The following SLC2A9 variants were observed in gnomAD, a reference collection of about 807,000 sequenced individuals.
SLC2A9 encodes the protein solute carrier family 2, facilitated glucose transporter member 9.
SLC2A9 carries 39 observed loss-of-function variants against 50.6 expected under a neutral mutation model. The ratio of observed to expected loss-of-function variants is 0.77; its 90% CI spans 0.60 to 1.01. The LOEUF is 1.01. Among genes scored for constraint, SLC2A9 ranks in the 50% least tolerant of loss-of-function variants. SLC2A9 has a pLI of 0.00. For missense variants in SLC2A9, 686 were observed against 677.6 expected, an observed-to-expected ratio of 1.01 and a Z score of -0.14; for synonymous variants, 324 against 276.9, an observed-to-expected ratio of 1.17 and a Z score of -1.69.
downstream of SLC2A9, among the ~76,000 whole-genome samples, chr4:9,823,776 G>A (rs1724728187): frequency 1.3e-5 from 2 of 152,184 alleles, no homozygotes; most frequent in Non-Finnish European, 2.9e-5. Flanking sequence ...TTGAGATGAT[G>A]CATTTGATTT....
chr4:10,002,855 AC>A (rs201700192), intron 2 of SLC2A9, among the ~76,000 whole-genome samples: 5 of 39,024 alleles, frequency 1.3e-4, no homozygotes, highest in Non-Finnish European at 2.8e-4. Flanking sequence ...TCCATCTAAA[AC>A]AAAAAAAAAG....
intron 6 of SLC2A9, among the ~76,000 whole-genome samples, chr4:9,928,782 T>C (rs942287870): frequency 6.6e-6 from 1 of 152,136 alleles, no homozygotes; most frequent in Non-Finnish European, 1.5e-5. Flanking sequence ...GATCTGCACA[T>C]TCAAAAAGAA....
At chr4:9,831,371 C>G (rs757501034) in intron 11 of SLC2A9, among the ~76,000 whole-genome samples, 2 of 152,092 alleles carry the variant, frequency 1.3e-5, no homozygotes, top group East Asian at 1.9e-4. Flanking sequence ...GGAGACCATG[C>G]GAGGACACAG....
At chr4:9,794,550 G>A (rs1720356828), downstream of SLC2A9, among the ~76,000 whole-genome samples, 2 of 152,132 alleles carry the variant, frequency 1.3e-5, no homozygotes, top group South Asian at 4.1e-4. Flanking sequence ...CCTCACTCAG[G>A]GTCACACAGC....
intron 2 of SLC2A9, among the ~76,000 whole-genome samples, chr4:9,999,831 G>C (rs538823452): frequency 6.1e-4 from 93 of 152,260 alleles, no homozygotes; most frequent in African/African-American, 2.1e-3. Context: ...AGGCACACTT[G>C]GGGGGCACTG....
Position 9,863,021 on chromosome 4 carries a change from C to T in SLC2A9, c.1291+24546G>A, listed in dbSNP as rs114750793. On this transcript the variant is annotated intron_variant, in intron 10 of 11. Transcript: ENST00000264784. ...AATGAATGTGCCCCGCCCAGGGAGGCCAACTGTTATCAGTGTACATGTCTT... is the reference window on the plus strand; with the variant it reads ...AATGAATGTGCCCCGCCCAGGGAGGTCAACTGTTATCAGTGTACATGTCTT... Among the ~76,000 whole-genome samples the T allele has an allele frequency of 4.7e-3, 721 of 152,142 alleles. 3 individuals carry two copies. The highest frequency in any genetic ancestry group is 0.017 in the Middle Eastern group (5 of 294).
chr4:10,004,754 G>A (rs1365213563), intron 2 of SLC2A9, among the ~76,000 whole-genome samples: 1 of 152,214 alleles, frequency 6.6e-6, no homozygotes, highest in African/African-American at 2.4e-5. Context: ...ACTGTGACCT[G>A]AGGCTTCAAG....
At chr4:10,029,594 A>ATTTTATTTTATTTTATT (rs1553917299) in intron 1 of SLC2A9, among the ~76,000 whole-genome samples, 45 of 129,826 alleles carry the variant, frequency 3.5e-4, no homozygotes, top group African/African-American at 9.5e-4. Flanking sequence ...TTTATTTTAT[A>ATTTTATTTTATTTTATT]TTATTTTATT....
intron 10 of SLC2A9, among the ~76,000 whole-genome samples, chr4:9,835,862 G>A (rs1334702357): frequency 2.0e-5 from 3 of 152,062 alleles, no homozygotes; most frequent in African/African-American, 7.2e-5. Context: ...AGAGGCCAGT[G>A]GATTACATGA....
rs538789281 is a variant in SLC2A9, at chr4:9,920,618, C to T, written c.815-46G>A. 6.2e-6 allele frequency: 10 copies of T among 1,609,764 alleles called. No individual in the cohort carries two copies. The East Asian group carries it at 2.0e-4, about 32-fold the overall frequency. ...GGACTTTCAGCAGGGATTAGAGTGT[C>T]CATCATGTCTAATGCTGGGCCCTGC... On this transcript the variant is annotated intron_variant, in intron 6 of 11. Coordinates refer to ENST00000264784, the MANE Select transcript of SLC2A9 (RefSeq NM_020041.3).
intron 3 of SLC2A9, chr4:9,782,587 C>T (rs1336988839): frequency 1.9e-6 from 3 of 1,613,852 alleles, no homozygotes; most frequent in Non-Finnish European, 2.5e-6. Context: ...ACCAGGCGGC[C>T]TCTTGGGGCG....
intron 10 of SLC2A9, among the ~76,000 whole-genome samples, chr4:9,851,661 G>A (rs1396062367): frequency 6.6e-6 from 1 of 152,088 alleles, no homozygotes; most frequent in Non-Finnish European, 1.5e-5. Context: ...AACCCCCAAG[G>A]AATCTAAGGA....
chr4:9,975,155 C>T (rs1578150241), intron 5 of SLC2A9, among the ~76,000 whole-genome samples: 4 of 152,150 alleles, frequency 2.6e-5, no homozygotes, highest in African/African-American at 7.2e-5. Context: ...AAGAATCCTA[C>T]GAGAAAACCT....
intron 10 of SLC2A9, among the ~76,000 whole-genome samples, chr4:9,852,830 G>A (rs1730174721): frequency 1.3e-5 from 2 of 152,166 alleles, no homozygotes; most frequent in Non-Finnish European, 2.9e-5. Context: ...TTAACAATAT[G>A]ATGACAGAAT....
chr4:9,966,048 A>G (rs373388481), intron 5 of SLC2A9, among the ~76,000 whole-genome samples: 18 of 152,212 alleles, frequency 1.2e-4, no homozygotes, highest in Admixed American at 3.9e-4. Context: ...ATCAACAGGA[A>G]ACAAATATAC....
chr4:9,812,356 A>T (rs1451095027), intron 3 of SLC2A9, among the ~76,000 whole-genome samples: 5 of 152,222 alleles, frequency 3.3e-5, no homozygotes, highest in African/African-American at 4.8e-5. Context: ...AAAGTTATTT[A>T]ATTAGAATTG....
At chr4:9,957,004 C>G (rs1751427965) in intron 5 of SLC2A9, among the ~76,000 whole-genome samples, 1 of 151,978 alleles carries the variant, frequency 6.6e-6, no homozygotes, top group Admixed American at 6.6e-5. Context: ...ACATTTGCCC[C>G]AAAGACCCCT....
intron 11 of SLC2A9, among the ~76,000 whole-genome samples, chr4:9,832,131 CTTGA>C (rs1369695715): frequency 6.6e-6 from 1 of 152,108 alleles, no homozygotes; most frequent in Non-Finnish European, 1.5e-5. Context: ...CACAGTAGCT[CTTGA>C]TTGTGGCTGA....
chr4:9,778,806 CT>C (rs201631344), downstream of SLC2A9, among the ~76,000 whole-genome samples: 6 of 151,724 alleles, frequency 4.0e-5, no homozygotes, highest in Middle Eastern at 3.4e-3. Context: ...ATCACAGTTT[CT>C]TTTTTTTTCT....
Sources: gnomAD v4.1 joint callset for allele counts (sites outside exome capture counted in the v4.1 genomes callset) on GRCh38, gnomAD v4.1.1 for gene constraint, MANE v1.5 for transcripts, NCBI Gene and HGNC (gene_info 2026-07-23, HGNC 2026-07-21) for gene names.